AHR: variants seen among roughly 807,000 people sequenced by gnomAD.
AHR encodes aryl hydrocarbon receptor.
AHR carries 40 observed loss-of-function variants against 86.8 expected under a neutral mutation model. That is an observed-to-expected ratio of 0.46 (90% CI 0.36 to 0.60). The LOEUF (loss-of-function observed/expected upper bound fraction) is 0.60. AHR is among the 20% of genes least tolerant of loss of function. AHR has a pLI of 0.00. For synonymous variants in AHR, 398 were observed against 354.9 expected, an observed-to-expected ratio of 1.12 and a Z score of -1.37; for missense variants, 1,001 against 1,011.6, an observed-to-expected ratio of 0.99 and a Z score of 0.14.
chr7:17,325,165 A>G (rs752511298), intron 3 of AHR, among the ~76,000 whole-genome samples: 30 of 152,340 alleles, frequency 2.0e-4, no homozygotes, highest in Non-Finnish European at 4.1e-4. Context: ...TATTGAGAGA[A>G]ATCAATACAA....
At chr7:17,310,269 AT>A in intron 2 of AHR, 146 bp downstream of exon 2, 1 of 717,164 alleles carries the variant, frequency 1.4e-6, no homozygotes. Flanking sequence ...GCAAAGCCAG[AT>A]TTATAAGTCT....
At position 17,334,593 on chromosome 7, in the gene AHR, T is replaced by C. The variant is rs1782335290; in HGVS notation, c.909-294T>C. On this transcript the variant is annotated intron_variant, in intron 7 of 10. Transcript: ENST00000242057. ...AGATTATAAAAACATTCCAGATTTT[T>C]ATTAAAGATGTTCTGTTACCCATAC... 3.9e-5 allele frequency among the ~76,000 whole-genome samples: 6 copies of C among 152,014 alleles called. No individual in the cohort carries two copies. The South Asian group carries it at 1.2e-3, about 31-fold the overall frequency.
Position 17,339,363 on chromosome 7 carries a change from A to G in AHR, c.1538A>G (p.Gln513Arg), listed in dbSNP as rs767033123. The change falls in exon 10 of 11, where the codon CAA (glutamine) becomes CGA (arginine). Residue 513 changes from glutamine (Q) to arginine (R), a missense_variant. Physicochemically the swap from Gln to Arg is conservative, Grantham distance 43. Transcript: ENST00000242057. The stretch of plus-strand genomic sequence containing the variant: ...AATGATACTATCCTGAAACATGAGC[A>G]AATTGACCAGCCTCAGGATGTGAAC... ...MGNDTILKHE[Q>R]IDQPQDVNSF... 11 of 1,614,120 alleles carry G rather than the reference A, an allele frequency of 6.8e-6. No homozygotes were observed. The South Asian group carries it at 1.1e-4, about 16-fold the overall frequency.
chr7:17,317,662 T>C (rs1315881081), intron 2 of AHR, among the ~76,000 whole-genome samples: 1 of 152,076 alleles, frequency 6.6e-6, no homozygotes, highest in Non-Finnish European at 1.5e-5. Context: ...TTGTTACCTA[T>C]GCAAACTGTA....
At chr7:17,333,131 G>A (rs1037201380) in intron 6 of AHR, among the ~76,000 whole-genome samples, 1 of 151,890 alleles carries the variant, frequency 6.6e-6, no homozygotes, top group African/African-American at 2.4e-5. Flanking sequence ...ATCTAGGTTT[G>A]TGAACCTACC....
rs1781927815 is a variant in AHR, at chr7:17,299,252, T to C, written c.-13T>C. 1 of 1,609,770 alleles carries C rather than the reference T, an allele frequency of 6.2e-7. No individual in the cohort carries two copies. The highest frequency in any genetic ancestry group is 1.7e-5 in the Admixed American group (1 of 59,878). ...AGTGCCCGGGGAGTAGCCGCCGCCG[T>C]CGGCTGGGCACCATGAACAGCAGCA... On this transcript the variant is annotated 5_prime_UTR_variant, in exon 1 of 11. Coordinates refer to ENST00000242057, the MANE Select transcript of AHR (RefSeq NM_001621.5).
chr7:17,315,083 T>C (rs1454929418), intron 2 of AHR, among the ~76,000 whole-genome samples: 1 of 152,026 alleles, frequency 6.6e-6, no homozygotes. Context: ...TAGCTAAAAC[T>C]ATATAAACCT....
rs1243873319 is a variant in AHR, at chr7:17,344,895, C to G, written c.*1831C>G. The G allele has an allele frequency of 6.6e-6, 1 of 152,040 alleles. No homozygotes were observed. The highest frequency in any genetic ancestry group is 2.4e-5 in the African/African-American group (1 of 41,392). 9.4% of individuals were successfully genotyped at this position (152,040 alleles called of 1,614,324 possible). On this transcript the variant is annotated 3_prime_UTR_variant, in exon 11 of 11. Transcript: ENST00000242057. ...CCTCCCACCTTGGCCTCCCAAAGTG[C>G]TGGGATTACAGGCGTGAGCCACTGC... is the stretch of plus-strand genomic sequence containing the variant.
chr7:17,314,381 G>C (rs895163712), intron 2 of AHR, among the ~76,000 whole-genome samples: 1 of 152,064 alleles, frequency 6.6e-6, no homozygotes, highest in African/African-American at 2.4e-5. Context: ...AATGCTGTGG[G>C]AAGAGAGGAT....
At chr7:17,325,221 T>C (rs1032972942) in intron 3 of AHR, among the ~76,000 whole-genome samples, 1 of 152,222 alleles carries the variant, frequency 6.6e-6, no homozygotes, top group African/African-American at 2.4e-5. Context: ...TTGAGATATA[T>C]AAAAATTGAT....
intron 4 of AHR, 33 bp downstream of exon 4, chr7:17,327,881 T>G: frequency 2.1e-6 from 2 of 950,674 alleles, no homozygotes; most frequent in Non-Finnish European, 2.8e-6. Context: ...ATTTATATTA[T>G]TATATCATTT....
At position 17,339,850 on chromosome 7, in the gene AHR, T is replaced by C; in HGVS notation, c.2025T>C (p.Phe675=). 1 of 1,614,232 alleles carries C rather than the reference T, an allele frequency of 6.2e-7. No homozygotes were observed. The highest frequency in any genetic ancestry group is 8.5e-7 in the Non-Finnish European group (1 of 1,180,032). The change falls in exon 10 of 11, where the codon TTT becomes TTC. Residue 675 remains phenylalanine (F), a synonymous_variant. Coordinates refer to ENST00000242057, the MANE Select transcript of AHR (RefSeq NM_001621.5). ...PQQDPQQYNV[F]TDLHGISQEF... ...AAGACCCACAACAATATAATGTCTT[T>C]ACAGACTTACATGGGATCAGTCAAG... is the stretch of plus-strand genomic sequence containing the variant.
intron 1 of AHR, among the ~76,000 whole-genome samples, chr7:17,307,046 T>C (rs1038274652): frequency 6.6e-6 from 1 of 152,156 alleles, no homozygotes; most frequent in Non-Finnish European, 1.5e-5. Context: ...GTAAGACACA[T>C]AGTAATGCAT....
chr7:17,319,875 G>GT (rs1054026843), intron 2 of AHR, among the ~76,000 whole-genome samples: 5 of 152,126 alleles, frequency 3.3e-5, no homozygotes, highest in African/African-American at 9.6e-5. Context: ...GCACAGCAGT[G>GT]TTTTTTTAAA....
chr7:17,321,665 A>G (rs538854033), intron 2 of AHR, among the ~76,000 whole-genome samples: 6 of 151,888 alleles, frequency 4.0e-5, no homozygotes, highest in Non-Finnish European at 5.9e-5. Context: ...GACACCTCCA[A>G]TAGTAAGCAT....
At chr7:17,300,036 C>G (rs1781938885) in intron 1 of AHR, among the ~76,000 whole-genome samples, 2 of 152,086 alleles carry the variant, frequency 1.3e-5, no homozygotes, top group Non-Finnish European at 2.9e-5. Flanking sequence ...GCTTTAGGGT[C>G]TGTAAAATAA....
At chr7:17,324,710 G>A (rs911887784) in intron 3 of AHR, among the ~76,000 whole-genome samples, 1 of 151,640 alleles carries the variant, frequency 6.6e-6, no homozygotes, top group Non-Finnish European at 1.5e-5. Context: ...GCTGAGGCCC[G>A]AGAATCGCTT....
chr7:17,313,382 C>T (rs1054437515), intron 2 of AHR, among the ~76,000 whole-genome samples: 1 of 152,078 alleles, frequency 6.6e-6, no homozygotes, highest in East Asian at 1.9e-4. Context: ...TAACAGGATG[C>T]AAACAGGGGG....
intron 3 of AHR, among the ~76,000 whole-genome samples, chr7:17,324,941 A>G (rs1455276696): frequency 6.6e-6 from 1 of 152,250 alleles, no homozygotes; most frequent in Non-Finnish European, 1.5e-5. Context: ...TCATAAGTTT[A>G]AAATATATCT....
Sources: allele counts gnomAD v4.1 joint callset (sites outside exome capture counted in the v4.1 genomes callset), GRCh38; gene constraint gnomAD v4.1.1; transcripts MANE v1.5; gene names NCBI Gene and HGNC (gene_info 2026-07-23, HGNC 2026-07-21).